The following CALN1 variants were observed in gnomAD, a reference collection of about 807,000 sequenced individuals.
CALN1 encodes calneuron 1.
Under a neutral mutation model 30.6 loss-of-function variants are expected in CALN1, and 17 were observed. That is an observed-to-expected ratio of 0.56 (90% CI 0.38 to 0.83). CALN1 has a LOEUF of 0.83. Among genes scored for constraint, CALN1 ranks in the 40% least tolerant of loss-of-function variants. The pLI is 0.00. For synonymous variants in CALN1, 156 were observed against 131.4 expected (o/e 1.19, Z -1.28); for missense variants, 291 against 354.9 (o/e 0.82, Z 1.45).
chr7:72,023,529 T>G, intron 5 of CALN1, 128 bp downstream of exon 5: 1 of 542,814 alleles, frequency 1.8e-6, no homozygotes, highest in Non-Finnish European at 3.1e-6. Flanking sequence ...TTCTTTGTTC[T>G]GGAACATATG....
intron 2 of CALN1, among the ~76,000 whole-genome samples, chr7:72,287,028 A>C (rs934023083): frequency 3.9e-5 from 6 of 152,228 alleles, no homozygotes; most frequent in African/African-American, 1.4e-4. Flanking sequence ...GAAATGCAAA[A>C]ACAGTAGCAG....
intron 5 of CALN1, among the ~76,000 whole-genome samples, chr7:71,943,259 G>A (rs1008279661): frequency 1.1e-4 from 16 of 152,064 alleles, no homozygotes; most frequent in Admixed American, 2.0e-4. Flanking sequence ...AAACACACAC[G>A]CGAAACAACA....
chr7:71,895,581 A>G (rs902235316), intron 5 of CALN1, among the ~76,000 whole-genome samples: 4 of 152,164 alleles, frequency 2.6e-5, no homozygotes, highest in Non-Finnish European at 4.4e-5. Context: ...GAAATTTCCA[A>G]TTCTCTTTTA....
rs1554367049 is a variant in CALN1 at position 72,317,084 on chromosome 7, G to GAGAGAAAGAAAGAA, written c.120-38275_120-38274insTTCTTTCTTTCTCT. Among the ~76,000 whole-genome samples the GAGAGAAAGAAAGAA allele has an allele frequency of 4.6e-5, 5 of 109,822 alleles. 1 individual carries two copies. Among genetic ancestry groups the GAGAGAAAGAAAGAA allele is most frequent in the African/African-American group, 1.6e-4 (5 of 30,512 alleles). The allele number at this position is 109,822 out of a possible 152,430, so 72.0% of individuals were successfully genotyped here. On this transcript the variant is annotated intron_variant, in intron 2 of 6. Coordinates refer to ENST00000395275, the MANE Select transcript of CALN1 (RefSeq NM_031468.4). The stretch of plus-strand genomic sequence containing the variant: ...AGAGAGAAAGAGAGACACAGAAAGA[G>GAGAGAAAGAAAGAA]AGAGAGAGAGGGAGGGAGGAAGGGA...
intron 3 of CALN1, among the ~76,000 whole-genome samples, chr7:72,133,329 A>G (rs939590245): frequency 9.2e-5 from 14 of 152,204 alleles, no homozygotes; most frequent in African/African-American, 2.7e-4. Flanking sequence ...AGAGGCTACT[A>G]CTATATTAAA....
At chr7:72,489,484 C>T in the CALN1 span, among the ~76,000 whole-genome samples, 3 of 152,098 alleles carry the variant, frequency 2.0e-5, no homozygotes, top group Non-Finnish European at 4.4e-5. Flanking sequence ...AGTCTAATCT[C>T]GAGAAAGAGT....
chr7:72,408,440 GA>G (rs915658219), intron 1 of CALN1, among the ~76,000 whole-genome samples: 20 of 151,762 alleles, frequency 1.3e-4, no homozygotes, highest in Non-Finnish European at 2.1e-4. Context: ...CTCGGTCTCA[GA>G]AAAAAATTAA....
intron 2 of CALN1, among the ~76,000 whole-genome samples, chr7:72,297,604 A>C (rs1433328625): frequency 6.6e-6 from 1 of 152,228 alleles, no homozygotes; most frequent in Non-Finnish European, 1.5e-5. Flanking sequence ...ACCTTGACAT[A>C]ACACTTTGTT....
intron 3 of CALN1, among the ~76,000 whole-genome samples, chr7:72,237,092 G>A (rs938424349): frequency 6.7e-6 from 1 of 150,054 alleles, no homozygotes; most frequent in African/African-American, 2.5e-5. Context: ...TCAAGCAATT[G>A]TCCTGCCTCA....
intron 2 of CALN1, among the ~76,000 whole-genome samples, chr7:72,376,417 G>A (rs1285696203): frequency 1.3e-5 from 2 of 152,180 alleles, no homozygotes; most frequent in African/African-American, 4.8e-5. Flanking sequence ...CACCAACCTA[G>A]TGGGTTTTGA....
chr7:72,380,152 A>G (rs542411208), intron 2 of CALN1, among the ~76,000 whole-genome samples: 1 of 152,328 alleles, frequency 6.6e-6, no homozygotes, highest in South Asian at 2.1e-4. Flanking sequence ...CAATAGTCAG[A>G]CAAAGAGAAG....
chr7:72,396,643 G>A (rs764990535), intron 2 of CALN1, among the ~76,000 whole-genome samples: 22 of 152,226 alleles, frequency 1.4e-4, no homozygotes, highest in East Asian at 5.8e-4. Context: ...GGCAGAGAGG[G>A]GCAAAGACAG....
rs1793225227 is a variant in CALN1 at position 71,789,986 on chromosome 7, C to T, written c.659-2084G>A. The stretch of plus-strand genomic sequence containing the variant: ...GGTGTCGTTGGTGCATGCCTATAGT[C>T]CCAGCTAGTTGGGAGGCTGAGGCAG... On this transcript the variant is annotated intron_variant, in intron 6 of 6. Coordinates refer to ENST00000395275, the MANE Select transcript of CALN1 (RefSeq NM_031468.4). Among the ~76,000 whole-genome samples the T allele has an allele frequency of 2.0e-5, 3 of 151,848 alleles. No homozygotes were observed. The South Asian group carries it at 6.2e-4, about 32-fold the overall frequency.
intron 5 of CALN1, among the ~76,000 whole-genome samples, chr7:71,843,630 C>A (rs1790070753): frequency 6.6e-6 from 1 of 151,904 alleles, no homozygotes; most frequent in Non-Finnish European, 1.5e-5. Context: ...CTCTAAAAAA[C>A]AAACAAACAA....
intron 5 of CALN1, among the ~76,000 whole-genome samples, chr7:71,820,607 A>G (rs575229785): frequency 1.3e-5 from 2 of 152,340 alleles, no homozygotes; most frequent in Non-Finnish European, 2.9e-5. Context: ...TATCTGTTCC[A>G]GTCACTGCTT....
At chr7:71,856,392 A>G (rs909605610) in intron 5 of CALN1, among the ~76,000 whole-genome samples, 3 of 152,066 alleles carry the variant, frequency 2.0e-5, no homozygotes, top group Non-Finnish European at 2.9e-5. Context: ...GGGCTCAAGC[A>G]ATCCTTCTGC....
chr7:72,206,132 G>A (rs527951830), intron 3 of CALN1, among the ~76,000 whole-genome samples: 1 of 152,178 alleles, frequency 6.6e-6, no homozygotes, highest in African/African-American at 2.4e-5. Flanking sequence ...ATAACGTAAT[G>A]GGCTCTTCAC....
At chr7:72,062,099 G>A (rs1405217397) in intron 4 of CALN1, among the ~76,000 whole-genome samples, 4 of 152,266 alleles carry the variant, frequency 2.6e-5, no homozygotes, top group South Asian at 2.1e-4. Context: ...ACATCCAGTG[G>A]AAACATCCTT....
At chr7:72,426,763 C>G (rs965047967) in intron 1 of CALN1, among the ~76,000 whole-genome samples, 2 of 152,206 alleles carry the variant, frequency 1.3e-5, no homozygotes, top group African/African-American at 4.8e-5. Flanking sequence ...GGAAGCACTT[C>G]TATCAACCTC....
Sources: gnomAD v4.1 joint callset for allele counts (sites outside exome capture counted in the v4.1 genomes callset) on GRCh38, gnomAD v4.1.1 for gene constraint, MANE v1.5 for transcripts, NCBI Gene and HGNC (gene_info 2026-07-23, HGNC 2026-07-21) for gene names.